Variants in MYH7B observed in about 807,000 individuals in gnomAD.
MYH7B encodes the protein myosin-7B.
MYH7B carries 205 observed loss-of-function variants against 234.5 expected under a neutral mutation model. The observed-to-expected ratio is 0.87, with a 90% CI of 0.78 to 0.98. The LOEUF is 0.98. Ranked by LOEUF, MYH7B falls within the 50% of genes least tolerant of loss-of-function variation. The probability of loss-of-function intolerance (pLI) is 0.00; values close to 1 mark genes in which losing one functional copy is unlikely to be tolerated. For missense variants in MYH7B, 2,652 were observed against 2,633.4 expected, an observed-to-expected ratio of 1.01 and a Z score of -0.15; for synonymous variants, 1,193 against 1,105.0, an observed-to-expected ratio of 1.08 and a Z score of -1.58.
At chr20:34,999,891 A>C in exon 38 of MYH7B, 1 of 1,613,630 alleles carries the variant, frequency 6.2e-7, no homozygotes, top group Non-Finnish European at 8.5e-7. Flanking sequence ...AAAGACGAGG[A>C]GTGCGCTAAC....
rs865996269 is a variant in MYH7B, at chr20:34,997,647, G to A, written c.3747+7G>A. On this transcript the variant is annotated splice_region_variant and intron_variant, in intron 32 of 44. Transcript: ENST00000262873. ...GACTCTGACCCGCGCCAAGGTGTCC[G>A]TGCCTTCCTCACCCCATACCCACCC... is the stretch of plus-strand genomic sequence containing the variant. 1.1e-5 allele frequency: 18 copies of A among 1,612,524 alleles called. No individual in the cohort carries two copies. Among genetic ancestry groups the A allele is most frequent in the African/African-American group, 1.3e-5 (1 of 74,772 alleles).
intron 9 of MYH7B, 93 bp from the exon 10 acceptor site, chr20:34,982,366 G>A (rs1449995613): frequency 9.5e-7 from 1 of 1,054,450 alleles, no homozygotes; most frequent in African/African-American, 1.6e-5. Flanking sequence ...GGGGGAAGGA[G>A]AGGTGGAGGG....
chr20:34,976,349 T>A (rs1161935455), intron 3 of MYH7B, among the ~76,000 whole-genome samples: 1 of 152,224 alleles, frequency 6.6e-6, no homozygotes, highest in Non-Finnish European at 1.5e-5. Flanking sequence ...GGACTTCCCG[T>A]GTGAGCCTGG....
chr20:34,985,721 G>A (rs888690075), intron 13 of MYH7B, among the ~76,000 whole-genome samples: 4 of 152,094 alleles, frequency 2.6e-5, no homozygotes, highest in East Asian at 1.9e-4. Context: ...AGGCAGTGAC[G>A]GGGACAGGGA....
exon 12 of MYH7B, chr20:34,984,863 G>A (rs1346881284): frequency 8.7e-6 from 14 of 1,613,874 alleles, no homozygotes; most frequent in Non-Finnish European, 1.2e-5. Flanking sequence ...GGGCACCCTT[G>A]AGGATCAAAT....
chr20:34,992,186 C>A (rs1219623873), intron 24 of MYH7B, among the ~76,000 whole-genome samples: 1 of 152,140 alleles, frequency 6.6e-6, no homozygotes, highest in East Asian at 1.9e-4. Context: ...GAGATCGAGA[C>A]CATCCTGGCT....
rs558898155 is a variant in MYH7B, at chr20:34,984,787, G to A, written c.649-67G>A. 25 of 1,601,126 alleles carry A rather than the reference G, an allele frequency of 1.6e-5. No individual in the cohort carries two copies. The Admixed American group carries it at 2.7e-4, about 17-fold the overall frequency. On this transcript the variant is annotated intron_variant, in intron 11 of 44. Transcript: ENST00000262873. ...TTCCTCTGCACAACAGAGGGGCCAC[G>A]GGTGGCTCTGGCCTCCCGGTGGGTA...
At chr20:34,999,871 G>A in exon 38 of MYH7B, 2 of 1,613,722 alleles carry the variant, frequency 1.2e-6, no homozygotes, top group Non-Finnish European at 1.7e-6. Context: ...TGGACCGGAA[G>A]CTGGCAGAGA....
intron 2 of MYH7B, among the ~76,000 whole-genome samples, chr20:34,969,211 C>T (rs1440072693): frequency 6.6e-6 from 1 of 152,108 alleles, no homozygotes. Flanking sequence ...GGCCCACTCT[C>T]TGAGGACCAG....
At chr20:34,956,985 C>G (rs748797861) in intron 1 of MYH7B, among the ~76,000 whole-genome samples, 29 of 152,188 alleles carry the variant, frequency 1.9e-4, no homozygotes, top group Non-Finnish European at 3.5e-4. Context: ...GCCCCGGAGA[C>G]GGAGGCTGCT....
At chr20:34,988,485 GC>G (rs936177711) in intron 19 of MYH7B, among the ~76,000 whole-genome samples, 1 of 152,140 alleles carries the variant, frequency 6.6e-6, no homozygotes, top group African/African-American at 2.4e-5. Context: ...CCATGAGTGA[GC>G]CTTGGTGAGT....
chr20:34,994,316 C>T lies in MYH7B; in HGVS notation c.2615C>T (p.Ala872Val), dbSNP rs369138767. The T allele has an allele frequency of 1.1e-4, 180 of 1,609,746 alleles. No homozygotes were observed. The highest frequency in any genetic ancestry group is 3.0e-4 in the Admixed American group (18 of 59,696). ...CGGGGGTTGCGAGGGGCGCTGGCTG[C>T]GGCCGAGGCCAAGCGCCAGGAACTG... Residue 872 changes from alanine (A) to valine (V), a missense_variant, in exon 27 of 45, where the codon GCG (alanine) becomes GTG (valine). Physicochemically the swap from Ala to Val is moderately conservative, Grantham distance 64 (BLOSUM62 0). Transcript: ENST00000262873.
In MYH7B at chr20:34,977,661, G is replaced by C; in HGVS notation, c.-92G>C. ...AATAAAAGGGGTAGCAGAGCTTCCT[G>C]CCCTCACCGTGGTGCCGAGGTAGGT... On this transcript the variant is annotated 5_prime_UTR_variant, in exon 4 of 45. Coordinates refer to ENST00000262873, the Ensembl canonical transcript of MYH7B. 6.6e-7 allele frequency: 1 copy of C among 1,525,912 alleles called. No homozygotes were observed. The highest frequency in any genetic ancestry group is 8.8e-7 in the Non-Finnish European group (1 of 1,135,136). The allele number at this position is 1,525,912 out of a possible 1,614,324, so 94.5% of individuals were successfully genotyped here.
exon 5 of MYH7B, chr20:34,978,032 G>A: frequency 1.2e-6 from 2 of 1,614,152 alleles, no homozygotes; most frequent in Non-Finnish European, 8.5e-7. Flanking sequence ...AACTTGGGGA[G>A]TCTGCCCGCT....
At position 34,977,700 on chromosome 20, in the gene MYH7B, G is replaced by T; in HGVS notation, c.-73+20G>T. ...GCCGAGGTAGGTGATCAGGGCTGGG[G>T]TTGGAGCCGAAGGGAGGGCAGGAGG... is the stretch of plus-strand genomic sequence containing the variant. On this transcript the variant is annotated intron_variant, in intron 4 of 44. Coordinates refer to ENST00000262873, the Ensembl canonical transcript of MYH7B. 2.0e-6 allele frequency: 3 copies of T among 1,533,358 alleles called. No individual in the cohort carries two copies. Among genetic ancestry groups the T allele is most frequent in the Non-Finnish European group, 2.6e-6 (3 of 1,137,150 alleles). 95.0% of individuals were successfully genotyped at this position (1,533,358 alleles called of 1,614,324 possible). A position where few individuals can be genotyped will look rare whatever the true frequency, so the allele number is the denominator to read the frequency against.
chr20:35,000,234 A>G, intron 38 of MYH7B, 59 bp from the exon 39 acceptor site: 1 of 1,503,572 alleles, frequency 6.7e-7, no homozygotes, highest in Non-Finnish European at 8.8e-7. Flanking sequence ...GTCCTTGGGC[A>G]TTTGTAAGGA....
At chr20:34,986,392 C>T (rs1456843673) in intron 14 of MYH7B, among the ~76,000 whole-genome samples, 194 bp downstream of exon 14, 2 of 152,230 alleles carry the variant, frequency 1.3e-5, no homozygotes, top group Non-Finnish European at 1.5e-5. Flanking sequence ...AACCTGCCAA[C>T]GTGTTATCGC....
At chr20:34,992,385 C>CAAA (rs57996416) in intron 24 of MYH7B, among the ~76,000 whole-genome samples, 1 of 97,928 alleles carries the variant, frequency 1.0e-5, no homozygotes, top group African/African-American at 4.0e-5. Context: ...GACTCCGTCT[C>CAAA]AAAAAAAAAA....
intron 2 of MYH7B, among the ~76,000 whole-genome samples, chr20:34,973,204 T>C (rs1264621008): frequency 6.6e-6 from 1 of 152,184 alleles, no homozygotes; most frequent in Non-Finnish European, 1.5e-5. Context: ...ACTCCTGGCC[T>C]CAAGTGATTC....
Sources: allele counts gnomAD v4.1 joint callset (sites outside exome capture counted in the v4.1 genomes callset), GRCh38; gene constraint gnomAD v4.1.1; transcripts MANE v1.5; gene names NCBI Gene and HGNC (gene_info 2026-07-23, HGNC 2026-07-21).